The following UEVLD variants were observed in gnomAD, a reference collection of about 807,000 sequenced individuals.
UEVLD encodes UEV and lactate/malate dehyrogenase domains, also known as ubiquitin-conjugating enzyme E2 variant 3.
Under a neutral mutation model 58.6 loss-of-function variants are expected in UEVLD, and 47 were observed. The ratio of observed to expected loss-of-function variants is 0.80; its 90% CI spans 0.63 to 1.02. UEVLD has a LOEUF of 1.02. Among genes scored for constraint, UEVLD ranks in the 50% least tolerant of loss-of-function variants. The probability of loss-of-function intolerance (pLI) is 0.00; values close to 1 mark genes in which losing one functional copy is unlikely to be tolerated. For synonymous variants in UEVLD, 197 were observed against 195.3 expected (o/e 1.01, Z -0.07); for missense variants, 510 against 550.6 (o/e 0.93, Z 0.74).
chr11:18,544,417 T>G (rs577519473), intron 9 of UEVLD, among the ~76,000 whole-genome samples: 1 of 152,286 alleles, frequency 6.6e-6, no homozygotes, highest in East Asian at 1.9e-4. Flanking sequence ...CAAGTGATCC[T>G]CCCACTCAGT....
At chr11:18,572,080 CAAA>C (rs1565136482) in intron 3 of UEVLD, among the ~76,000 whole-genome samples, 1 of 151,792 alleles carries the variant, frequency 6.6e-6, no homozygotes, top group Admixed American at 6.6e-5. Flanking sequence ...ACTAAAAATA[CAAA>C]AAATTAGCCA....
chr11:18,569,116 G>A (rs1013884490), intron 4 of UEVLD, among the ~76,000 whole-genome samples: 13 of 152,066 alleles, frequency 8.5e-5, no homozygotes, highest in African/African-American at 2.9e-4. Flanking sequence ...AGATGGTCTC[G>A]ATCTCCTGAC....
At chr11:18,574,590 A>G (rs542794346) in intron 3 of UEVLD, among the ~76,000 whole-genome samples, 1 of 152,342 alleles carries the variant, frequency 6.6e-6, no homozygotes, top group South Asian at 2.1e-4. Flanking sequence ...ACACAGGAGA[A>G]GTAGGTCTGG....
intron 3 of UEVLD, among the ~76,000 whole-genome samples, chr11:18,573,211 C>T (rs1852720068): frequency 6.6e-6 from 1 of 152,208 alleles, no homozygotes; most frequent in Non-Finnish European, 1.5e-5. Context: ...CCTCATGTTA[C>T]CGCCCTACTC....
Position 18,543,234 on chromosome 11 carries a change from A to C in UEVLD, c.1060+1389T>G, listed in dbSNP as rs1851142698. ...TATCATGCTCTACCTTGCAGCACTT[A>C]CATGCTGAGTGAAGTTAACAGTAAG... On this transcript the variant is annotated intron_variant, in intron 9 of 11. Transcript: ENST00000396197. Among the ~76,000 whole-genome samples the C allele has an allele frequency of 2.0e-5, 3 of 152,236 alleles. No homozygotes were observed. The South Asian group carries it at 6.2e-4, about 32-fold the overall frequency.
chr11:18,572,949 T>C (rs1343826285), intron 3 of UEVLD, among the ~76,000 whole-genome samples: 1 of 152,176 alleles, frequency 6.6e-6, no homozygotes, highest in African/African-American at 2.4e-5. Context: ...GGCTCTACTA[T>C]TGGCCCATTT....
In UEVLD at chr11:18,566,461, A is replaced by T; in HGVS notation, c.379T>A (p.Leu127Ile). 1 of 1,614,044 alleles carries T rather than the reference A, an allele frequency of 6.2e-7. No homozygotes were observed. The highest frequency in any genetic ancestry group is 8.5e-7 in the Non-Finnish European group (1 of 1,180,028). ...AACTTGGCAATCATTTCTTTAATTA[A>T]TCCAACAATGACAGATTTAGGCTGT... ...WSHPKSVIVG[L>I]IKEMIAKFQE... Residue 127 changes from leucine to isoleucine, a missense_variant, in exon 5 of 12, where the codon TTA becomes ATA. Coordinates refer to ENST00000396197, the MANE Select transcript of UEVLD (RefSeq NM_001040697.4).
chr11:18,553,161 A>AAAC (rs1356972541), intron 7 of UEVLD, among the ~76,000 whole-genome samples: 1 of 149,764 alleles, frequency 6.7e-6, no homozygotes, highest in East Asian at 2.0e-4. Flanking sequence ...TCTCAAAAAA[A>AAAC]AAAAAAAAAA....
At chr11:18,533,515 G>A (rs990317818) in intron 11 of UEVLD, among the ~76,000 whole-genome samples, 2 of 151,010 alleles carry the variant, frequency 1.3e-5, no homozygotes, top group South Asian at 2.1e-4. Context: ...AACACTATTT[G>A]GGGGTTACAT....
At chr11:18,578,647 C>T in intron 2 of UEVLD, 77 bp downstream of exon 2, 2 of 995,352 alleles carry the variant, frequency 2.0e-6, no homozygotes, top group East Asian at 2.5e-5. Flanking sequence ...AGAGAAATTA[C>T]AATTTTGCAG....
chr11:18,540,957 T>C (rs1851029512), intron 9 of UEVLD, among the ~76,000 whole-genome samples: 1 of 152,240 alleles, frequency 6.6e-6, no homozygotes, highest in South Asian at 2.1e-4. Flanking sequence ...AATAAATTCC[T>C]ACATTTGGGA....
At chr11:18,571,233 G>C (rs556349552) in intron 3 of UEVLD, among the ~76,000 whole-genome samples, 8 of 152,270 alleles carry the variant, frequency 5.3e-5, no homozygotes, top group African/African-American at 1.7e-4. Flanking sequence ...TGTAATCCCA[G>C]ATACTTGGGG....
intron 7 of UEVLD, among the ~76,000 whole-genome samples, chr11:18,548,051 C>G (rs1157560583): frequency 6.6e-6 from 1 of 152,116 alleles, no homozygotes; most frequent in Non-Finnish European, 1.5e-5. Flanking sequence ...CCTCTTGGAT[C>G]ATTTTAAACT....
chr11:18,586,381 A>C (rs976978148), intron 1 of UEVLD, among the ~76,000 whole-genome samples: 38 of 151,674 alleles, frequency 2.5e-4, no homozygotes, highest in African/African-American at 9.2e-4. Flanking sequence ...CGCCTGGCTT[A>C]TTTTTTTGTA....
Position 18,584,949 on chromosome 11 carries a change from T to C in UEVLD, c.42+3664A>G, listed in dbSNP as rs188332631. The stretch of plus-strand genomic sequence containing the variant: ...CCTGGCCTATTTATTGGTTCTAATA[T>C]TGATTTGTAGGCATGCTTTATATAT... On this transcript the variant is annotated intron_variant, in intron 1 of 11. Transcript: ENST00000396197. 7.5e-4 allele frequency among the ~76,000 whole-genome samples: 115 copies of C among 152,318 alleles called. 1 individual carries two copies. Among genetic ancestry groups the C allele is most frequent in the Non-Finnish European group, 7.4e-5 (5 of 68,010 alleles).
rs192428988 is a variant in UEVLD, at chr11:18,559,367, T to C, written c.613-1037A>G. On this transcript the variant is annotated intron_variant, in intron 6 of 11. Transcript: ENST00000396197. ...GCGTGCACCACCTCACCTGGCTATT[T>C]TTTATATTTTTGGTAGAGATGGGGT... Among the ~76,000 whole-genome samples the C allele has an allele frequency of 1.5e-3, 227 of 152,042 alleles. 1 individual carries two copies. Among genetic ancestry groups the C allele is most frequent in the African/African-American group, 5.2e-3 (217 of 41,438 alleles).
intron 7 of UEVLD, among the ~76,000 whole-genome samples, chr11:18,548,853 C>T (rs185684533): frequency 6.9e-4 from 105 of 152,260 alleles, no homozygotes; most frequent in African/African-American, 2.4e-3. Context: ...ACACTAAGTC[C>T]TAGATTTTAA....
chr11:18,532,582 A>G, intron 11 of UEVLD, 95 bp from the exon 12 acceptor site: 1 of 1,088,914 alleles, frequency 9.2e-7, no homozygotes, highest in Non-Finnish European at 1.2e-6. Context: ...ACTAGGACAA[A>G]GTGATACAAG....
Position 18,547,046 on chromosome 11 carries a change from CA to C in UEVLD, c.719del (p.Leu240CysfsTer10). On this transcript the variant is annotated frameshift_variant, in exon 8 of 12. Transcript: ENST00000396197. LOFTEE classifies it high-confidence loss of function. ...CCACCTTGGAATGAGCAGAGGCAGA[CA>C]AATCTAGTGAATGAAAAGAAACAGT... Reference protein sequence around the residue: ...NLPNVEISKDLSASAHSKVVI... With the variant: ...NLPNVEISKDXSASAHSKVVI... 2.5e-6 allele frequency: 4 copies of C among 1,609,518 alleles called. No homozygotes were observed. Among genetic ancestry groups the C allele is most frequent in the Non-Finnish European group, 3.4e-6 (4 of 1,179,004 alleles).
Sources: allele counts gnomAD v4.1 joint callset (sites outside exome capture counted in the v4.1 genomes callset), GRCh38; gene constraint gnomAD v4.1.1; transcripts MANE v1.5; gene names NCBI Gene and HGNC (gene_info 2026-07-23, HGNC 2026-07-21).